WHRN: variants seen among roughly 807,000 people sequenced by gnomAD.
WHRN encodes CASK-interacting protein CIP98.
Under a neutral mutation model 68.3 loss-of-function variants are expected in WHRN, and 41 were observed. The observed-to-expected ratio is 0.60, with a 90% CI of 0.47 to 0.78. The LOEUF (loss-of-function observed/expected upper bound fraction) is 0.78, where lower values mean the gene tolerates loss of function less well. WHRN is among the 30% of genes least tolerant of loss of function. The probability of loss-of-function intolerance (pLI) is 0.00; values close to 1 mark genes in which losing one functional copy is unlikely to be tolerated. For synonymous variants in WHRN, 560 were observed against 561.3 expected (o/e 1.00, Z 0.03); for missense variants, 1,243 against 1,244.7 (o/e 1.00, Z 0.02).
chr9:114,473,669 G>A (rs923950451), intron 2 of WHRN, among the ~76,000 whole-genome samples: 2 of 152,346 alleles, frequency 1.3e-5, no homozygotes, highest in East Asian at 1.9e-4. Context: ...TCTGGATACT[G>A]GTTCATTGCC....
At chr9:114,496,423 G>A (rs889929122) in intron 1 of WHRN, among the ~76,000 whole-genome samples, 5 of 152,138 alleles carry the variant, frequency 3.3e-5, no homozygotes, top group Admixed American at 1.3e-4. Context: ...GTCTATGTGG[G>A]GATATTGACT....
chr9:114,457,730 A>G (rs559456693), intron 3 of WHRN, among the ~76,000 whole-genome samples: 105 of 152,238 alleles, frequency 6.9e-4, no homozygotes, highest in African/African-American at 2.4e-3. Context: ...CGCCTGGCCA[A>G]CGTGGTGAAA....
intron 1 of WHRN, among the ~76,000 whole-genome samples, chr9:114,501,539 T>C (rs1843921442): frequency 1.4e-5 from 2 of 141,362 alleles, no homozygotes; most frequent in South Asian, 4.4e-4. Context: ...TTTAATTTAA[T>C]TTAATTTTTA....
intron 3 of WHRN, among the ~76,000 whole-genome samples, chr9:114,446,417 T>C (rs1054581091): frequency 6.6e-6 from 1 of 152,104 alleles, no homozygotes; most frequent in Non-Finnish European, 1.5e-5. Flanking sequence ...TCTGAAATTA[T>C]ATAGCAGTGA....
intron 3 of WHRN, among the ~76,000 whole-genome samples, chr9:114,431,958 G>A (rs1645740978): frequency 6.6e-6 from 1 of 152,232 alleles, no homozygotes; most frequent in Admixed American, 6.5e-5. Context: ...ACGTGCTGGA[G>A]ATAGGAGAGA....
chr9:114,448,946 C>T (rs1294735706), intron 3 of WHRN, among the ~76,000 whole-genome samples: 1 of 152,192 alleles, frequency 6.6e-6, no homozygotes, highest in African/African-American at 2.4e-5. Flanking sequence ...TATGCGGCCA[C>T]AAGAACCACA....
chr9:114,498,404 T>G (rs1022169103), intron 1 of WHRN, among the ~76,000 whole-genome samples: 12 of 152,152 alleles, frequency 7.9e-5, no homozygotes, highest in African/African-American at 2.9e-4. Flanking sequence ...GTCACAGCAC[T>G]GTAAATGCTG....
chr9:114,504,127 A>C, intron 1 of WHRN, 57 bp downstream of exon 1: 2 of 1,612,742 alleles, frequency 1.2e-6, no homozygotes, highest in Non-Finnish European at 1.7e-6. Context: ...GTTACTGAAA[A>C]AGCTGTGCCA....
intron 1 of WHRN, among the ~76,000 whole-genome samples, chr9:114,485,871 A>G (rs1477573953): frequency 1.3e-5 from 2 of 151,876 alleles, no homozygotes; most frequent in Admixed American, 1.3e-4. Flanking sequence ...AAAATTATCC[A>G]GGCATAATGG....
At chr9:114,433,759 G>A (rs1244207521) in intron 3 of WHRN, among the ~76,000 whole-genome samples, 1 of 152,184 alleles carries the variant, frequency 6.6e-6, no homozygotes, top group East Asian at 1.9e-4. Context: ...TATGGGCTGG[G>A]TCTGGGTGAG....
At chr9:114,427,138 T>C (rs1836949837) in intron 3 of WHRN, among the ~76,000 whole-genome samples, 1 of 152,126 alleles carries the variant, frequency 6.6e-6, no homozygotes, top group Admixed American at 6.5e-5. Context: ...GTGCCTATAG[T>C]CCTTAGCTAC....
chr9:114,429,180 C>T (rs909168005), intron 3 of WHRN, among the ~76,000 whole-genome samples: 2 of 152,236 alleles, frequency 1.3e-5, no homozygotes, highest in Non-Finnish European at 2.9e-5. Context: ...ATCCACGCGG[C>T]TTGGCCTCCC....
chr9:114,425,287 C>T, intron 4 of WHRN: 1 of 635,462 alleles, frequency 1.6e-6, no homozygotes, highest in Non-Finnish European at 2.8e-6. Context: ...GTTGCCAACC[C>T]CGCAGGACCA....
chr9:114,425,410 C>T (rs1317730063), intron 4 of WHRN: 4 of 549,910 alleles, frequency 7.3e-6, no homozygotes, highest in Middle Eastern at 4.7e-4. Flanking sequence ...AGATGCAACT[C>T]GCAGGTGCGG....
intron 3 of WHRN, among the ~76,000 whole-genome samples, chr9:114,457,469 G>A (rs1839900630): frequency 6.6e-6 from 1 of 152,064 alleles, no homozygotes; most frequent in Non-Finnish European, 1.5e-5. Flanking sequence ...AGATAAATGA[G>A]TGAGAAGGGA....
At chr9:114,409,957 T>C (rs751631050) in intron 7 of WHRN, among the ~76,000 whole-genome samples, 1 of 151,992 alleles carries the variant, frequency 6.6e-6, no homozygotes, top group African/African-American at 2.4e-5. Context: ...TTCATCTCAG[T>C]TGGAGGAAGT....
At chr9:114,476,432 G>C (rs1841656321) in intron 2 of WHRN, among the ~76,000 whole-genome samples, 1 of 151,926 alleles carries the variant, frequency 6.6e-6, no homozygotes, top group Non-Finnish European at 1.5e-5. Flanking sequence ...GCACATGGCA[G>C]CTCCTTCTCC....
At chr9:114,487,803 G>A (rs2133259765) in intron 1 of WHRN, among the ~76,000 whole-genome samples, 1 of 152,304 alleles carries the variant, frequency 6.6e-6, no homozygotes, top group South Asian at 2.1e-4. Flanking sequence ...TGGGCCTACA[G>A]AGGACCTGAA....
rs760453597 is a variant in WHRN at position 114,424,491 on chromosome 9, T to C, written c.1259A>G (p.Asn420Ser). ...GSQVTLSSLG[N>S]QTRVLLEEQA... ...CTCCTCCAGCAGCACTCGTGTCTGG[T>C]TCCCCAGGCTGCTCAGGGTCACCTG... Residue 420 changes from asparagine (N) to serine (S), a missense_variant, in exon 6 of 12, where the codon AAC becomes AGC. Coordinates refer to ENST00000362057, the MANE Select transcript of WHRN (RefSeq NM_015404.4). The C allele has an allele frequency of 2.5e-6, 4 of 1,614,026 alleles. No individual in the cohort carries two copies. In the East Asian group the frequency reaches 8.9e-5, roughly 36 times the overall value.
Sources: allele counts gnomAD v4.1 joint callset (sites outside exome capture counted in the v4.1 genomes callset), GRCh38; gene constraint gnomAD v4.1.1; transcripts MANE v1.5; gene names NCBI Gene and HGNC (gene_info 2026-07-23, HGNC 2026-07-21).